The following EDNRA variants were observed in gnomAD, a reference collection of about 807,000 sequenced individuals.
EDNRA encodes endothelin-1 receptor.
In EDNRA, 11 loss-of-function variants were observed where a neutral mutation model predicts 41.4. The observed-to-expected ratio is 0.27, with a 90% CI of 0.17 to 0.44. EDNRA has a LOEUF of 0.44. Ranked by LOEUF, EDNRA falls within the 20% of genes least tolerant of loss-of-function variation. The pLI, the probability that EDNRA is intolerant of heterozygous loss-of-function variation, is 1.00. For missense variants in EDNRA, 294 were observed against 531.0 expected, an observed-to-expected ratio of 0.55 and a Z score of 4.39; for synonymous variants, 172 against 183.0, an observed-to-expected ratio of 0.94 and a Z score of 0.49.
At chr4:147,489,214 A>G (rs543672291) in intron 2 of EDNRA, 24 of 152,226 alleles carry the variant, frequency 1.6e-4, no homozygotes, top group Non-Finnish European at 2.8e-4. Flanking sequence ...TGTTACATGT[A>G]TATATTGCAT....
rs757013205 is a variant in EDNRA at position 147,542,591 on chromosome 4, GA to G, written c.1258del (p.Ser420AlafsTer7). On this transcript the variant is annotated frameshift_variant, in exon 8 of 8. Coordinates refer to ENST00000651419, the MANE Select transcript of EDNRA (RefSeq NM_001957.4). LOFTEE classifies it high-confidence loss of function. ...HDQNNHNTDR[S>X]SHKDSMN ...ATCAAAACAACCACAACACAGACCG[GA>G]GCAGCCATAAGGACAGCATGAACTG... The G allele has an allele frequency of 1.9e-6, 3 of 1,613,808 alleles. No homozygotes were observed. The highest frequency in any genetic ancestry group is 2.5e-6 in the Non-Finnish European group (3 of 1,179,998).
chr4:147,505,217 G>A (rs77276190), intron 2 of EDNRA, among the ~76,000 whole-genome samples: 12 of 52,968 alleles, frequency 2.3e-4, no homozygotes, highest in African/African-American at 8.0e-4. Context: ...AAAAAAAAAA[G>A]AGAGAGAGAG....
At chr4:147,497,705 G>A (rs879303979) in intron 2 of EDNRA, among the ~76,000 whole-genome samples, 2 of 152,022 alleles carry the variant, frequency 1.3e-5, no homozygotes, top group Non-Finnish European at 2.9e-5. Context: ...CCGAGTAGCT[G>A]GGACTACAGG....
chr4:147,511,439 G>T (rs1729920064), intron 2 of EDNRA, among the ~76,000 whole-genome samples: 1 of 151,946 alleles, frequency 6.6e-6, no homozygotes, highest in African/African-American at 2.4e-5. Flanking sequence ...ACACACATAT[G>T]GTATTATTTT....
chr4:147,485,740 G>T lies in EDNRA; in HGVS notation c.59G>T (p.Ser20Ile), dbSNP rs753498091. The T allele has an allele frequency of 6.2e-7, 1 of 1,614,128 alleles. No homozygotes were observed. The highest frequency in any genetic ancestry group is 8.5e-7 in the Non-Finnish European group (1 of 1,180,010). The part of the protein sequence containing the change: ...FWLALVGCVI[S>I]DNPERYSTNL... The stretch of plus-strand genomic sequence containing the variant: ...CTGGCACTGGTTGGATGTGTAATCA[G>T]TGATAATCCTGAGAGATACAGCACA... The change falls in exon 2 of 8, where the codon AGT (serine) becomes ATT (isoleucine). Residue 20 changes from serine (S) to isoleucine (I), a missense_variant. Ser to Ile is a moderately radical substitution (Grantham distance 142). Around this residue, in one of 3 missense-constraint regions of EDNRA, gnomAD observed 90 missense variants for 122.8 expected, o/e 0.73. Coordinates refer to ENST00000651419, the MANE Select transcript of EDNRA (RefSeq NM_001957.4).
intron 7 of EDNRA, among the ~76,000 whole-genome samples, chr4:147,541,254 T>C (rs1231574787): frequency 1.3e-5 from 2 of 152,226 alleles, no homozygotes; most frequent in Non-Finnish European, 2.9e-5. Context: ...ACCCATGTCC[T>C]TCAGAAGCTC....
intron 3 of EDNRA, among the ~76,000 whole-genome samples, chr4:147,521,534 G>A (rs995097983): frequency 6.6e-5 from 10 of 152,030 alleles, no homozygotes; most frequent in Non-Finnish European, 1.2e-4. Flanking sequence ...CTTATGATGT[G>A]GATTTGATTC....
Position 147,486,778 on chromosome 4 carries a change from T to C in EDNRA, c.420+677T>C, listed in dbSNP as rs1231375938. On this transcript the variant is annotated intron_variant, in intron 2 of 7. Transcript: ENST00000651419. The surrounding 1 kb of genome is among the most constrained non-coding windows in gnomAD (Gnocchi z 4.3). ...CTGCATTTATTGAGCACCCACTGTG[T>C]GCCCACCCCTGAGCTAGGCAGTAAG... Among the ~76,000 whole-genome samples the C allele has an allele frequency of 6.6e-6, 1 of 151,818 alleles. No homozygotes were observed. The highest frequency in any genetic ancestry group is 1.5e-5 in the Non-Finnish European group (1 of 67,964).
chr4:147,496,689 G>C (rs1729310840), intron 2 of EDNRA, among the ~76,000 whole-genome samples: 1 of 152,146 alleles, frequency 6.6e-6, no homozygotes, highest in South Asian at 2.1e-4. Flanking sequence ...GATGCCTGTA[G>C]GTATTGTTTT....
At chr4:147,504,032 G>C (rs536640726) in intron 2 of EDNRA, among the ~76,000 whole-genome samples, 3 of 152,030 alleles carry the variant, frequency 2.0e-5, no homozygotes, top group Non-Finnish European at 2.9e-5. Context: ...TTTATTTAAC[G>C]TCTGGCTTAA....
intron 2 of EDNRA, among the ~76,000 whole-genome samples, chr4:147,518,499 G>A (rs917603675): frequency 5.3e-5 from 8 of 152,136 alleles, no homozygotes; most frequent in African/African-American, 1.4e-4. Flanking sequence ...AAGTAATCAC[G>A]AAAACTAAAG....
At chr4:147,529,128 G>T (rs1654653506) in intron 3 of EDNRA, among the ~76,000 whole-genome samples, 1 of 152,222 alleles carries the variant, frequency 6.6e-6, no homozygotes, top group Non-Finnish European at 1.5e-5. Context: ...GTTGTTGCAA[G>T]ATTTGCTGAA....
chr4:147,513,114 C>A (rs555410745), intron 2 of EDNRA, among the ~76,000 whole-genome samples: 1 of 152,244 alleles, frequency 6.6e-6, no homozygotes, highest in East Asian at 1.9e-4. Flanking sequence ...GGTCAGTCTG[C>A]CCCCAAGGAA....
intron 2 of EDNRA, among the ~76,000 whole-genome samples, chr4:147,513,526 C>A (rs1024584288): frequency 6.6e-5 from 10 of 152,174 alleles, no homozygotes; most frequent in Admixed American, 6.5e-4. Context: ...GCATCACAAT[C>A]TTTATAATCA....
chr4:147,518,498 C>T (rs188334993), intron 2 of EDNRA, among the ~76,000 whole-genome samples: 99 of 152,198 alleles, frequency 6.5e-4, no homozygotes, highest in African/African-American at 1.7e-3. Flanking sequence ...GAAGTAATCA[C>T]GAAAACTAAA....
At chr4:147,532,752 C>T (rs762470154) in intron 4 of EDNRA, 48 bp downstream of exon 4, 19 of 1,580,066 alleles carry the variant, frequency 1.2e-5, no homozygotes, top group Admixed American at 5.0e-5. Context: ...GGAGGTCCTC[C>T]GTTAGACTTC....
At chr4:147,517,649 T>C (rs185221014) in intron 2 of EDNRA, among the ~76,000 whole-genome samples, 2 of 152,288 alleles carry the variant, frequency 1.3e-5, no homozygotes. Context: ...GAAGAATCAA[T>C]GCTCACTCCT....
At chr4:147,516,827 A>C (rs774080743) in intron 2 of EDNRA, among the ~76,000 whole-genome samples, 4 of 152,080 alleles carry the variant, frequency 2.6e-5, no homozygotes, top group Non-Finnish European at 4.4e-5. Flanking sequence ...TTAAACAGTT[A>C]CTTATTTATT....
intron 7 of EDNRA, among the ~76,000 whole-genome samples, chr4:147,541,403 G>C (rs1473879727): frequency 1.3e-5 from 2 of 152,180 alleles, no homozygotes; most frequent in Admixed American, 6.5e-5. Flanking sequence ...GTGCGGTAGA[G>C]GTCAAGAATG....
Sources: gnomAD v4.1 joint callset for allele counts (sites outside exome capture counted in the v4.1 genomes callset) on GRCh38, gnomAD v4.1.1 for gene constraint, gnomAD v4.1.1 regional missense constraint, Gnocchi (gnomAD v3.1) non-coding constraint, MANE v1.5 for transcripts, NCBI Gene and HGNC (gene_info 2026-07-23, HGNC 2026-07-21) for gene names.